Variants in ITGA2 observed in about 807,000 individuals in gnomAD.
The protein encoded by ITGA2 is integrin alpha-2.
Under a neutral mutation model 146.3 loss-of-function variants are expected in ITGA2, and 101 were observed. The ratio of observed to expected loss-of-function variants is 0.69; its 90% CI spans 0.59 to 0.81. The LOEUF (loss-of-function observed/expected upper bound fraction) is 0.81. Ranked by LOEUF, ITGA2 falls within the 40% of genes least tolerant of loss-of-function variation. ITGA2 has a pLI of 0.00. For missense variants in ITGA2, 1,281 were observed against 1,402.7 expected, an observed-to-expected ratio of 0.91 and a Z score of 1.39; for synonymous variants, 477 against 487.1, an observed-to-expected ratio of 0.98 and a Z score of 0.27.
At chr5:53,078,497 T>C (rs1218804411) in intron 23 of ITGA2, among the ~76,000 whole-genome samples, 1 of 152,138 alleles carries the variant, frequency 6.6e-6, no homozygotes, top group East Asian at 1.9e-4. Flanking sequence ...ACTTTTGTAC[T>C]TATTTAGAAA....
intron 27 of ITGA2, 61 bp downstream of exon 27, chr5:53,083,514 C>G: frequency 9.9e-7 from 1 of 1,013,158 alleles, no homozygotes; most frequent in Non-Finnish European, 1.6e-6. Flanking sequence ...TCTGCACTGA[C>G]AAGTTCTTCC....
At chr5:53,011,310 C>G (rs1199523065) in intron 1 of ITGA2, among the ~76,000 whole-genome samples, 1 of 152,120 alleles carries the variant, frequency 6.6e-6, no homozygotes. Context: ...CCTTAACTTT[C>G]CCACAAAATC....
intron 4 of ITGA2, among the ~76,000 whole-genome samples, chr5:53,047,673 G>A (rs542738445): frequency 5.3e-4 from 81 of 152,178 alleles, no homozygotes; most frequent in Admixed American, 2.0e-3. Flanking sequence ...TTTCATACCC[G>A]TGGGCAGGCA....
At position 53,048,548 on chromosome 5, in the gene ITGA2, A is replaced by G. The variant is rs963037970; in HGVS notation, c.502+71A>G. On this transcript the variant is annotated intron_variant, in intron 5 of 29. Transcript: ENST00000296585. Reference sequence around the variant, plus strand: ...AAGGAGGGGGAAAAGGTTATCAACTAGTGGCACCCAAACCCTCCTTAAGTC... The same window carrying G: ...AAGGAGGGGGAAAAGGTTATCAACTGGTGGCACCCAAACCCTCCTTAAGTC... 14 of 1,605,578 alleles carry G rather than the reference A, an allele frequency of 8.7e-6. No homozygotes were observed. The East Asian group carries it at 1.1e-4, about 13-fold the overall frequency.
chr5:53,034,714 C>T (rs1743400697), intron 2 of ITGA2, among the ~76,000 whole-genome samples: 1 of 152,184 alleles, frequency 6.6e-6, no homozygotes, highest in South Asian at 2.1e-4. Flanking sequence ...GGGACTTACA[C>T]ACACACCTTC....
At chr5:53,053,553 C>T (rs1033142166) in intron 7 of ITGA2, among the ~76,000 whole-genome samples, 2 of 152,074 alleles carry the variant, frequency 1.3e-5, no homozygotes, top group African/African-American at 4.8e-5. Context: ...GGGGCCCTGG[C>T]GAGCTTTGTT....
At chr5:53,081,733 CATTT>C (rs759245468) in intron 26 of ITGA2, 37 bp downstream of exon 26, 26 of 1,358,304 alleles carry the variant, frequency 1.9e-5, no homozygotes, top group African/African-American at 1.3e-4. Flanking sequence ...TCCCCTCATT[CATTT>C]ATTTCACCTG....
Position 53,093,569 on chromosome 5 carries a change from A to T in ITGA2, c.*2970A>T, listed in dbSNP as rs1433388511. On this transcript the variant is annotated 3_prime_UTR_variant, in exon 30 of 30. Coordinates refer to ENST00000296585, the MANE Select transcript of ITGA2 (RefSeq NM_002203.4). ...CATGACAATCAAAAAATGTCTCCAG[A>T]CATTGTCAAATGCCTCCTGGGGGGC... 2 of 152,168 alleles carry T rather than the reference A, an allele frequency of 1.3e-5. No individual in the cohort carries two copies. Among genetic ancestry groups the T allele is most frequent in the African/African-American group, 4.8e-5 (2 of 41,442 alleles). 9.4% of individuals were successfully genotyped at this position (152,168 alleles called of 1,614,324 possible). A position where few individuals can be genotyped will look rare whatever the true frequency, so the allele number is the denominator to read the frequency against.
At position 53,029,040 on chromosome 5, in the gene ITGA2, G is replaced by A. The variant is rs542034806; in HGVS notation, c.185+2172G>A. Among the ~76,000 whole-genome samples the A allele has an allele frequency of 1.6e-4, 24 of 152,318 alleles. 1 individual carries two copies. In the East Asian group the frequency reaches 4.1e-3, roughly 26 times the overall value. On this transcript the variant is annotated intron_variant, in intron 2 of 29. Transcript: ENST00000296585. ...TAATTCCAGCACTTTGGGAGGCCAAGGCGGGTGGATCACTTGAGGCCAGGA... is the reference window on the plus strand; with the variant it reads ...TAATTCCAGCACTTTGGGAGGCCAAAGCGGGTGGATCACTTGAGGCCAGGA...
chr5:53,012,801 A>G (rs1259361103), intron 1 of ITGA2, among the ~76,000 whole-genome samples: 3 of 152,114 alleles, frequency 2.0e-5, no homozygotes, highest in Non-Finnish European at 4.4e-5. Context: ...GCTGACTGGT[A>G]TGAGATGATA....
rs779403016 is a variant in ITGA2 at position 53,073,306 on chromosome 5, T to C, written c.2571+47T>C. ...TTACTTCCACCATGCTTCCTACTTA[T>C]AGATCACTGTCTTCTCTATGTCCTC... is the stretch of plus-strand genomic sequence containing the variant. On this transcript the variant is annotated intron_variant, in intron 20 of 29. Coordinates refer to ENST00000296585, the MANE Select transcript of ITGA2 (RefSeq NM_002203.4). The C allele has an allele frequency of 4.4e-6, 7 of 1,592,934 alleles. No individual in the cohort carries two copies. In the Admixed American group the frequency reaches 6.7e-5, roughly 15 times the overall value.
intron 2 of ITGA2, among the ~76,000 whole-genome samples, chr5:53,032,948 T>A (rs1201209055): frequency 6.6e-6 from 1 of 152,138 alleles, no homozygotes; most frequent in East Asian, 1.9e-4. Flanking sequence ...TGGAATGTTA[T>A]GAGCACCTTG....
intron 1 of ITGA2, among the ~76,000 whole-genome samples, chr5:53,001,413 G>A (rs1741579767): frequency 1.3e-5 from 2 of 152,082 alleles, no homozygotes; most frequent in Non-Finnish European, 2.9e-5. Flanking sequence ...CTTTACTTAC[G>A]GTTCACATGT....
chr5:53,029,959 T>A (rs1743145141), intron 2 of ITGA2, among the ~76,000 whole-genome samples: 1 of 152,168 alleles, frequency 6.6e-6, no homozygotes, highest in South Asian at 2.1e-4. Flanking sequence ...TGGCACCGAG[T>A]TTGAAGCAAT....
In ITGA2 at chr5:53,044,973, C is replaced by T. The variant is rs202054747; in HGVS notation, c.296-28C>T. 35 of 1,532,356 alleles carry T rather than the reference C, an allele frequency of 2.3e-5. No individual in the cohort carries two copies. The East Asian group carries it at 3.6e-4, about 16-fold the overall frequency. The allele number at this position is 1,532,356 out of a possible 1,614,324, so 94.9% of individuals were successfully genotyped here. On this transcript the variant is annotated intron_variant, in intron 3 of 29. Transcript: ENST00000296585. Reference sequence around the variant, plus strand: ...TAAGTAAACGAGGAATTTTTAATCACTTTTAAAAATTGTTTTCCCTTTGAA... The same window carrying T: ...TAAGTAAACGAGGAATTTTTAATCATTTTTAAAAATTGTTTTCCCTTTGAA...
intron 25 of ITGA2, among the ~76,000 whole-genome samples, chr5:53,081,186 C>G (rs572900261): frequency 1.3e-5 from 2 of 152,282 alleles, no homozygotes; most frequent in East Asian, 1.9e-4. Flanking sequence ...AAGCGCTGCT[C>G]TAGCCAAACC....
At chr5:53,070,876 T>A (rs186019035) in intron 17 of ITGA2, among the ~76,000 whole-genome samples, 1 of 151,448 alleles carries the variant, frequency 6.6e-6, no homozygotes, top group African/African-American at 2.4e-5. Flanking sequence ...AAGGATAATT[T>A]ACTCAGGAAA....
At chr5:52,998,000 C>T (rs1741359828) in intron 1 of ITGA2, among the ~76,000 whole-genome samples, 1 of 152,000 alleles carries the variant, frequency 6.6e-6, no homozygotes, top group South Asian at 2.1e-4. Context: ...AATCTAATGC[C>T]ACATTGAAAA....
chr5:52,992,519 C>A (rs574343314), intron 1 of ITGA2, among the ~76,000 whole-genome samples: 4 of 152,292 alleles, frequency 2.6e-5, no homozygotes, highest in South Asian at 2.1e-4. Context: ...TGTTTAATGG[C>A]AGTATTATTA....
Sources: gnomAD v4.1 joint callset for allele counts (sites outside exome capture counted in the v4.1 genomes callset) on GRCh38, gnomAD v4.1.1 for gene constraint, MANE v1.5 for transcripts, NCBI Gene and HGNC (gene_info 2026-07-23, HGNC 2026-07-21) for gene names.